EDIL3: variants seen among roughly 807,000 people sequenced by gnomAD.
EDIL3 encodes EGF like and discoidin domains 3.
In EDIL3, 37 loss-of-function variants were observed where a neutral mutation model predicts 67.4. The ratio of observed to expected loss-of-function variants is 0.55; its 90% CI spans 0.42 to 0.72. EDIL3 has a LOEUF of 0.72. Ranked by LOEUF, EDIL3 falls within the 30% of genes least tolerant of loss-of-function variation. The pLI is 0.00. For synonymous variants in EDIL3, 195 were observed against 196.3 expected (o/e 0.99, Z 0.05); for missense variants, 527 against 586.3 (o/e 0.90, Z 1.04).
intron 3 of EDIL3, among the ~76,000 whole-genome samples, chr5:84,201,192 AG>A (rs763772184): frequency 2.0e-5 from 3 of 152,018 alleles, no homozygotes; most frequent in Non-Finnish European, 4.4e-5. Context: ...TTCTGTTATC[AG>A]GGGTATGATC....
At chr5:84,080,496 T>A (rs1404402389) in intron 6 of EDIL3, among the ~76,000 whole-genome samples, 1 of 152,082 alleles carries the variant, frequency 6.6e-6, no homozygotes, top group Non-Finnish European at 1.5e-5. Context: ...TTCTTGCAGA[T>A]TAATTGCACG....
intron 1 of EDIL3, among the ~76,000 whole-genome samples, chr5:84,288,740 C>G (rs1484275029): frequency 2.6e-5 from 4 of 152,116 alleles, no homozygotes; most frequent in Non-Finnish European, 5.9e-5. Context: ...CTTAAAATTG[C>G]AGGTCTTCCT....
intron 4 of EDIL3, among the ~76,000 whole-genome samples, chr5:84,179,429 C>T (rs148446109): frequency 1.1e-4 from 16 of 152,300 alleles, no homozygotes; most frequent in South Asian, 2.1e-4. Context: ...TAGGTTTCTA[C>T]GGAAATTCTA....
Position 84,067,211 on chromosome 5 carries a change from A to C in EDIL3, c.652-605T>G, listed in dbSNP as rs182008586. ...TGATTGCTTTTTTCTTCATTTTATT[A>C]TAAGTAAAATTTCTAACTGGAATTT... On this transcript the variant is annotated intron_variant, in intron 6 of 10. Coordinates refer to ENST00000296591, the MANE Select transcript of EDIL3 (RefSeq NM_005711.5). Among the ~76,000 whole-genome samples, 375 of 152,306 alleles carry C rather than the reference A, an allele frequency of 2.5e-3. 2 individuals carry two copies. Among genetic ancestry groups the C allele is most frequent in the African/African-American group, 8.7e-3 (360 of 41,576 alleles).
chr5:84,027,364 G>A (rs1008705884), intron 9 of EDIL3, among the ~76,000 whole-genome samples: 8 of 152,148 alleles, frequency 5.3e-5, no homozygotes, highest in African/African-American at 1.9e-4. Flanking sequence ...TTGAGTTGCA[G>A]AGAGAGATTA....
At chr5:84,248,049 C>T (rs1191080036) in intron 2 of EDIL3, among the ~76,000 whole-genome samples, 1 of 151,992 alleles carries the variant, frequency 6.6e-6, no homozygotes, top group African/African-American at 2.4e-5. Context: ...CTGCTATATC[C>T]TCAGTGCCAG....
intron 3 of EDIL3, among the ~76,000 whole-genome samples, chr5:84,225,591 A>T (rs1247903818): frequency 6.6e-6 from 1 of 151,658 alleles, no homozygotes; most frequent in Non-Finnish European, 1.5e-5. Flanking sequence ...CAAGTAAAAC[A>T]CTATCTAATG....
intron 1 of EDIL3, among the ~76,000 whole-genome samples, chr5:84,293,378 C>T (rs1189003707): frequency 1.3e-5 from 2 of 152,150 alleles, no homozygotes; most frequent in Non-Finnish European, 2.9e-5. Context: ...TGAATAACTT[C>T]CTGAAAGACA....
chr5:84,200,845 G>T (rs148068253), intron 3 of EDIL3, among the ~76,000 whole-genome samples: 9 of 152,080 alleles, frequency 5.9e-5, no homozygotes, highest in Non-Finnish European at 1.3e-4. Context: ...TGTCTTTCTG[G>T]AGAAAGAGTG....
rs369196509 is a variant in EDIL3 at position 83,979,579 on chromosome 5, A to C, written c.1138-16219T>G. ...TAGAATTATATGTATCAACTTGGAA[A>C]AATCTCAAAAATATATTATTGAACA... On this transcript the variant is annotated intron_variant, in intron 9 of 10. Transcript: ENST00000296591. 2.0e-5 allele frequency among the ~76,000 whole-genome samples: 3 copies of C among 152,314 alleles called. No homozygotes were observed. In the East Asian group the frequency reaches 5.8e-4, roughly 29 times the overall value.
chr5:84,089,829 G>A (rs1747133292), intron 6 of EDIL3, among the ~76,000 whole-genome samples: 1 of 152,074 alleles, frequency 6.6e-6, no homozygotes, highest in Non-Finnish European at 1.5e-5. Flanking sequence ...TCCCCAGTGC[G>A]ACTTTGTTTA....
chr5:84,280,359 A>C lies in EDIL3; in HGVS notation c.68-26147T>G, dbSNP rs73142671. Among the ~76,000 whole-genome samples, 774 of 152,230 alleles carry C rather than the reference A, an allele frequency of 5.1e-3. 7 individuals are homozygous for C. Among genetic ancestry groups the C allele is most frequent in the African/African-American group, 0.018 (750 of 41,542 alleles). Reference sequence around the variant, plus strand: ...TTCATTCAATGGTGACTATTTTACTAGTATATTCTAATGATCCAGCATGTC... The same window carrying C: ...TTCATTCAATGGTGACTATTTTACTCGTATATTCTAATGATCCAGCATGTC... On this transcript the variant is annotated intron_variant, in intron 1 of 10. Coordinates refer to ENST00000296591, the MANE Select transcript of EDIL3 (RefSeq NM_005711.5).
At chr5:84,364,395 G>T (rs1332411618) in intron 1 of EDIL3, among the ~76,000 whole-genome samples, 1 of 152,152 alleles carries the variant, frequency 6.6e-6, no homozygotes. Context: ...TTTGGAAATT[G>T]TTACACAGAT....
intron 1 of EDIL3, among the ~76,000 whole-genome samples, chr5:84,319,901 A>G (rs1746599038): frequency 6.6e-6 from 1 of 152,150 alleles, no homozygotes; most frequent in Admixed American, 6.6e-5. Flanking sequence ...TAACACAAGA[A>G]GAGAAAACCA....
chr5:83,992,501 T>G (rs1212645689), intron 9 of EDIL3, among the ~76,000 whole-genome samples: 1 of 152,148 alleles, frequency 6.6e-6, no homozygotes, highest in Non-Finnish European at 1.5e-5. Flanking sequence ...AGATACTAAT[T>G]AACAAAGCAG....
At chr5:84,278,960 C>T (rs143178856) in intron 1 of EDIL3, among the ~76,000 whole-genome samples, 172 of 152,198 alleles carry the variant, frequency 1.1e-3, no homozygotes, top group African/African-American at 4.0e-3. Context: ...TTTCACCACC[C>T]CCTCCCCTAG....
chr5:84,067,173 T>A (rs917114536), intron 6 of EDIL3, among the ~76,000 whole-genome samples: 7 of 152,128 alleles, frequency 4.6e-5, no homozygotes, highest in African/African-American at 1.7e-4. Context: ...GAGCATTTTT[T>A]AAAAAAATTA....
chr5:84,092,804 A>C (rs74670525), intron 6 of EDIL3, among the ~76,000 whole-genome samples: 12 of 149,200 alleles, frequency 8.0e-5, no homozygotes, highest in South Asian at 2.1e-4. Flanking sequence ...GAAAAAAAAA[A>C]CAAAAACAAA....
chr5:84,302,576 G>A (rs749317879), intron 1 of EDIL3, among the ~76,000 whole-genome samples: 17 of 152,188 alleles, frequency 1.1e-4, no homozygotes, highest in Non-Finnish European at 1.8e-4. Context: ...GATTACAGGC[G>A]TAAGCCACTG....
Sources: allele counts gnomAD v4.1 joint callset (sites outside exome capture counted in the v4.1 genomes callset), GRCh38; gene constraint gnomAD v4.1.1; transcripts MANE v1.5; gene names NCBI Gene and HGNC (gene_info 2026-07-23, HGNC 2026-07-21).